The following CSMD3 variants were observed in gnomAD, a reference collection of about 807,000 sequenced individuals.
CSMD3 encodes CUB and sushi domain-containing protein 3.
In CSMD3, 177 loss-of-function variants were observed where a neutral mutation model predicts 435.2. The ratio of observed to expected loss-of-function variants is 0.41; its 90% CI spans 0.36 to 0.46. The LOEUF is 0.46. Among genes scored for constraint, CSMD3 ranks in the 20% least tolerant of loss-of-function variants. The probability of loss-of-function intolerance (pLI) is 0.34; values close to 1 mark genes in which losing one functional copy is unlikely to be tolerated. For missense variants in CSMD3, 4,265 were observed against 4,504.6 expected, an observed-to-expected ratio of 0.95 and a Z score of 1.52; for synonymous variants, 1,656 against 1,520.5, an observed-to-expected ratio of 1.09 and a Z score of -2.07.
chr8:112,896,386 A>C (rs1364206313), intron 10 of CSMD3, among the ~76,000 whole-genome samples: 2 of 151,454 alleles, frequency 1.3e-5, no homozygotes, highest in Non-Finnish European at 3.0e-5. Context: ...GCCTTGACCA[A>C]ATCACAGATA....
At position 113,312,493 on chromosome 8, in the gene CSMD3, C is replaced by T. The variant is rs182512602; in HGVS notation, c.401+2078G>A. 96 of 152,144 alleles carry T rather than the reference C, an allele frequency of 6.3e-4. 1 individual carries two copies. Among genetic ancestry groups the T allele is most frequent in the African/African-American group, 2.2e-3 (93 of 41,520 alleles). The allele number at this position is 152,144 out of a possible 1,614,324, so 9.4% of individuals were successfully genotyped here. A position where few individuals can be genotyped will look rare whatever the true frequency, so the allele number is the denominator to read the frequency against. On this transcript the variant is annotated intron_variant, in intron 2 of 70. Coordinates refer to ENST00000297405, the MANE Select transcript of CSMD3 (RefSeq NM_198123.2). ...GAATGAGAACAATAAATTTATTTTC[C>T]TAACTTCGCAATTTTTTAACTTCCC...
At chr8:112,287,328 A>G (rs1819305916) in intron 57 of CSMD3, 82 bp from the exon 58 acceptor site, 1 of 1,397,318 alleles carries the variant, frequency 7.2e-7, no homozygotes, top group Middle Eastern at 2.0e-4. Flanking sequence ...CCTGGTAGGC[A>G]TTTGTTTTTG....
chr8:113,211,160 G>T (rs1026517280), intron 3 of CSMD3, among the ~76,000 whole-genome samples: 2 of 151,984 alleles, frequency 1.3e-5, no homozygotes, highest in Non-Finnish European at 2.9e-5. Context: ...AATATAAAAA[G>T]ACACAAAATT....
chr8:113,044,828 C>A (rs955485826), intron 5 of CSMD3, among the ~76,000 whole-genome samples: 1 of 148,868 alleles, frequency 6.7e-6, no homozygotes, highest in African/African-American at 2.4e-5. Flanking sequence ...GCTGTTATTT[C>A]TTTTGTCTGA....
At chr8:113,411,403 G>A (rs1235194284) in intron 1 of CSMD3, among the ~76,000 whole-genome samples, 2 of 152,004 alleles carry the variant, frequency 1.3e-5, no homozygotes, top group East Asian at 1.9e-4. Flanking sequence ...TTGTGTTCCC[G>A]TTCAAACAAC....
At chr8:113,107,519 C>T (rs1465069895) in intron 4 of CSMD3, among the ~76,000 whole-genome samples, 2 of 152,184 alleles carry the variant, frequency 1.3e-5, no homozygotes, top group Non-Finnish European at 2.9e-5. Context: ...CCCTGCAGAA[C>T]CCATGGAAAT....
chr8:112,383,728 C>A (rs1039757809), intron 36 of CSMD3, 65 bp from the exon 37 acceptor site: 1 of 970,748 alleles, frequency 1.0e-6, no homozygotes, highest in African/African-American at 1.6e-5. Context: ...CTATAGTCCA[C>A]CAATCCCCCT....
intron 3 of CSMD3, among the ~76,000 whole-genome samples, chr8:113,275,891 T>C (rs2093565601): frequency 1.3e-5 from 2 of 151,924 alleles, no homozygotes; most frequent in South Asian, 4.1e-4. Flanking sequence ...TGAGAAGATG[T>C]CCAGGTTAGT....
At chr8:112,270,692 G>T (rs149778898) in intron 59 of CSMD3, among the ~76,000 whole-genome samples, 41 of 151,940 alleles carry the variant, frequency 2.7e-4, no homozygotes, top group African/African-American at 9.2e-4. Context: ...TTTCTACTTT[G>T]TTTTTAAAGG....
rs1813659165 is a variant in CSMD3 at position 112,237,106 on chromosome 8, A to G, written c.10627+84T>C. On this transcript the variant is annotated intron_variant, in intron 67 of 70. Transcript: ENST00000297405. ...TGTATCAAAATAAACATTTCACCAT[A>G]TAAAAAGCATTACTAAAAATGATGA... 4 of 1,416,394 alleles carry G rather than the reference A, an allele frequency of 2.8e-6. No individual in the cohort carries two copies. In the South Asian group the frequency reaches 3.5e-5, roughly 12 times the overall value. 87.7% of individuals were successfully genotyped at this position (1,416,394 alleles called of 1,614,324 possible). A position where few individuals can be genotyped will look rare whatever the true frequency, so the allele number is the denominator to read the frequency against.
chr8:112,581,244 T>C (rs949552099), intron 23 of CSMD3, among the ~76,000 whole-genome samples: 1 of 152,080 alleles, frequency 6.6e-6, no homozygotes, highest in Non-Finnish European at 1.5e-5. Flanking sequence ...TGTGTGACTA[T>C]TAAGTGACAG....
At chr8:112,869,741 A>C (rs1368871459) in intron 10 of CSMD3, among the ~76,000 whole-genome samples, 3 of 152,210 alleles carry the variant, frequency 2.0e-5, no homozygotes, top group Non-Finnish European at 4.4e-5. Context: ...AGGGACATGG[A>C]TGAAGCTGGA....
chr8:113,367,539 T>C (rs2094320233), intron 1 of CSMD3, among the ~76,000 whole-genome samples: 1 of 152,144 alleles, frequency 6.6e-6, no homozygotes. Context: ...GCCGTCTTAC[T>C]GAAATTGGAA....
intron 10 of CSMD3, among the ~76,000 whole-genome samples, chr8:112,902,771 T>C (rs754484637): frequency 4.6e-5 from 7 of 151,314 alleles, no homozygotes; most frequent in Non-Finnish European, 7.4e-5. Context: ...AGTCCAAAAG[T>C]GATTGACCTA....
At chr8:113,073,438 C>T (rs1036273158) in intron 5 of CSMD3, among the ~76,000 whole-genome samples, 1 of 151,812 alleles carries the variant, frequency 6.6e-6, no homozygotes, top group Non-Finnish European at 1.5e-5. Flanking sequence ...ACAAGTAATT[C>T]TTACTGCTCA....
At chr8:112,786,359 G>T (rs995950379) in intron 13 of CSMD3, among the ~76,000 whole-genome samples, 4 of 152,016 alleles carry the variant, frequency 2.6e-5, no homozygotes, top group African/African-American at 9.7e-5. Flanking sequence ...ACATTGGTCT[G>T]GGCAAACATT....
At chr8:112,971,490 T>C (rs1564163560) in intron 7 of CSMD3, among the ~76,000 whole-genome samples, 1 of 152,200 alleles carries the variant, frequency 6.6e-6, no homozygotes, top group Non-Finnish European at 1.5e-5. Flanking sequence ...TAAGAGTTTA[T>C]GGCACTTCCA....
At chr8:112,232,751 G>A (rs1416291143) in intron 68 of CSMD3, among the ~76,000 whole-genome samples, 1 of 152,182 alleles carries the variant, frequency 6.6e-6, no homozygotes, top group Non-Finnish European at 1.5e-5. Context: ...GCAAGAAAAA[G>A]GCATAGGTCA....
chr8:112,620,300 T>A (rs926404467), intron 22 of CSMD3, among the ~76,000 whole-genome samples: 5 of 152,148 alleles, frequency 3.3e-5, no homozygotes, highest in African/African-American at 1.2e-4. Flanking sequence ...AACCGTATGT[T>A]AAATTATTCC....
Sources: allele counts gnomAD v4.1 joint callset (sites outside exome capture counted in the v4.1 genomes callset), GRCh38; gene constraint gnomAD v4.1.1; transcripts MANE v1.5; gene names NCBI Gene and HGNC (gene_info 2026-07-23, HGNC 2026-07-21).